LINGO2: variants seen among roughly 807,000 people sequenced by gnomAD.
The protein encoded by LINGO2 is leucine-rich repeat and immunoglobulin-like domain-containing nogo receptor-interacting protein 2.
LINGO2 carries 14 observed loss-of-function variants against 30.6 expected under a neutral mutation model. The ratio of observed to expected loss-of-function variants is 0.46; its 90% confidence interval spans 0.30 to 0.72. The LOEUF (loss-of-function observed/expected upper bound fraction) is 0.72, where lower values mean the gene tolerates loss of function less well. Ranked by LOEUF, LINGO2 falls within the 30% of genes least tolerant of loss-of-function variation. LINGO2 has a pLI of 0.07. For missense variants in LINGO2, 729 were observed against 751.7 expected (o/e 0.97, Z 0.35); for synonymous variants, 317 against 288.5 (o/e 1.10, Z -1.00).
intron 4 of LINGO2, among the ~76,000 whole-genome samples, chr9:28,217,395 GAC>G (rs1820804633): frequency 6.6e-6 from 1 of 151,584 alleles, no homozygotes; most frequent in African/African-American, 2.4e-5. Flanking sequence ...TGAAAATAAA[GAC>G]AACTGAAATC....
At chr9:28,680,910 C>G in the LINGO2 span, among the ~76,000 whole-genome samples, 2 of 151,870 alleles carry the variant, frequency 1.3e-5, no homozygotes, top group Non-Finnish European at 2.9e-5. Context: ...TTACTCTGTT[C>G]ATTGTTTCCT....
chr9:28,645,259 G>A (rs1029548643), intron 1 of LINGO2, among the ~76,000 whole-genome samples: 2 of 152,042 alleles, frequency 1.3e-5, no homozygotes, highest in African/African-American at 4.8e-5. Context: ...ATAACCCACT[G>A]TGTGTCATAT....
chr9:28,280,591 C>T (rs1321153696), intron 4 of LINGO2, among the ~76,000 whole-genome samples: 1 of 152,126 alleles, frequency 6.6e-6, no homozygotes, highest in African/African-American at 2.4e-5. Context: ...TCCTTTTACT[C>T]TTCCTCAGTG....
chr9:28,022,520 T>C (rs1014704233), intron 4 of LINGO2, among the ~76,000 whole-genome samples: 18 of 152,166 alleles, frequency 1.2e-4, no homozygotes, highest in Admixed American at 6.5e-4. Flanking sequence ...CAGCTTTTGC[T>C]GGTCTGAAAA....
At chr9:28,332,924 TG>T (rs1459119180) in intron 3 of LINGO2, among the ~76,000 whole-genome samples, 1 of 152,168 alleles carries the variant, frequency 6.6e-6, no homozygotes, top group East Asian at 1.9e-4. Context: ...GATGATTAAA[TG>T]TAATCAGAAA....
At chr9:28,369,114 C>T (rs1820799376) in intron 3 of LINGO2, among the ~76,000 whole-genome samples, 1 of 152,106 alleles carries the variant, frequency 6.6e-6, no homozygotes, top group Non-Finnish European at 1.5e-5. Flanking sequence ...CTTCCTTAAT[C>T]CCTACCTTTA....
intron 2 of LINGO2, among the ~76,000 whole-genome samples, chr9:28,450,953 G>A (rs954269764): frequency 2.0e-5 from 3 of 151,878 alleles, no homozygotes; most frequent in African/African-American, 7.2e-5. Context: ...CAGTATAAAT[G>A]AGCCTGAGTC....
At chr9:28,847,820 CA>C in the LINGO2 span, among the ~76,000 whole-genome samples, 203 of 36,580 alleles carry the variant, frequency 5.5e-3, 7 homozygotes, top group African/African-American at 0.017. Flanking sequence ...TGTATATATA[CA>C]TATATATGTA....
the LINGO2 span, among the ~76,000 whole-genome samples, chr9:28,776,810 C>A: frequency 1.4e-4 from 22 of 151,768 alleles, no homozygotes; most frequent in Admixed American, 8.6e-4. Context: ...GTATATAGAA[C>A]CCCAGTCACA....
intron 4 of LINGO2, among the ~76,000 whole-genome samples, chr9:28,179,973 A>C (rs1311914449): frequency 6.6e-6 from 1 of 152,054 alleles, no homozygotes; most frequent in Admixed American, 6.6e-5. Flanking sequence ...TTGAATGTAG[A>C]CTATAAGCAC....
chr9:28,378,264 T>C (rs1287023548), intron 2 of LINGO2, among the ~76,000 whole-genome samples: 1 of 152,206 alleles, frequency 6.6e-6, no homozygotes, highest in Non-Finnish European at 1.5e-5. Flanking sequence ...GAAGAGCTAC[T>C]AGCTTTAGTT....
chr9:28,631,226 T>C lies in LINGO2; in HGVS notation c.-365+38974A>G, dbSNP rs534390353. On this transcript the variant is annotated intron_variant, in intron 1 of 5. Coordinates refer to ENST00000379992, the Ensembl canonical transcript of LINGO2. ...GCACAAGGTGCAGGTTTGTTACATA[T>C]GTATACATGTGCCATGTTGGTGTGC... Among the ~76,000 whole-genome samples, 35 of 152,080 alleles carry C rather than the reference T, an allele frequency of 2.3e-4. No individual in the cohort carries two copies. The East Asian group carries it at 5.0e-3, about 22-fold the overall frequency.
chr9:28,512,746 G>A (rs1820463308), intron 1 of LINGO2, among the ~76,000 whole-genome samples: 3 of 149,440 alleles, frequency 2.0e-5, no homozygotes, highest in Non-Finnish European at 4.4e-5. Context: ...CCCACAATAG[G>A]TTGTCTTCAA....
the LINGO2 span, among the ~76,000 whole-genome samples, chr9:29,188,329 T>C: frequency 2.0e-5 from 3 of 151,874 alleles, no homozygotes; most frequent in Non-Finnish European, 4.4e-5. Context: ...GAGCACAGGG[T>C]TGGGGGTAAG....
chr9:28,418,804 T>C (rs1037680458), intron 2 of LINGO2, among the ~76,000 whole-genome samples: 2 of 152,036 alleles, frequency 1.3e-5, no homozygotes, highest in African/African-American at 4.8e-5. Context: ...AGGAAATGTC[T>C]GTGCTGTTTC....
At chr9:28,506,415 TATATATAC>T (rs1417176019) in intron 1 of LINGO2, among the ~76,000 whole-genome samples, 5 of 2,478 alleles carry the variant, frequency 2.0e-3, no homozygotes, top group African/African-American at 3.2e-3. Context: ...TATATATATA[TATATATAC>T]ACACACACAC....
At chr9:28,045,805 CAT>C (rs1440778253) in intron 4 of LINGO2, among the ~76,000 whole-genome samples, 6 of 152,150 alleles carry the variant, frequency 3.9e-5, no homozygotes, top group Non-Finnish European at 8.8e-5. Flanking sequence ...CGTGGAGAGA[CAT>C]ATGGGTAAGC....
At chr9:28,961,946 G>A in the LINGO2 span, among the ~76,000 whole-genome samples, 1 of 107,494 alleles carries the variant, frequency 9.3e-6, no homozygotes, top group African/African-American at 2.7e-5. Flanking sequence ...CAAGAGAGCT[G>A]CTATGCCTGT....
At chr9:28,040,810 G>T (rs1402340752) in intron 4 of LINGO2, among the ~76,000 whole-genome samples, 1 of 151,954 alleles carries the variant, frequency 6.6e-6, no homozygotes, top group Non-Finnish European at 1.5e-5. Flanking sequence ...TGAACCCAGG[G>T]GTGTCTGGCT....
Sources: allele counts gnomAD v4.1 joint callset (sites outside exome capture counted in the v4.1 genomes callset), GRCh38; gene constraint gnomAD v4.1.1; transcripts MANE v1.5; gene names NCBI Gene and HGNC (gene_info 2026-07-23, HGNC 2026-07-21).